Variants in MYO18B observed in about 807,000 individuals in gnomAD.
MYO18B encodes myosin XVIIIB, also known as unconventional myosin-XVIIIb.
MYO18B carries 204 observed loss-of-function variants against 273.0 expected under a neutral mutation model. The ratio of observed to expected loss-of-function variants is 0.75; its 90% CI spans 0.67 to 0.84. The LOEUF is 0.84. Among genes scored for constraint, MYO18B ranks in the 40% least tolerant of loss-of-function variants. The pLI is 0.00. For missense variants in MYO18B, 3,212 were observed against 3,287.6 expected (o/e 0.98, Z 0.56); for synonymous variants, 1,330 against 1,305.7 (o/e 1.02, Z -0.40).
chr22:25,897,922 C>A, intron 28 of MYO18B: 1 of 167,750 alleles, frequency 6.0e-6, no homozygotes, highest in Non-Finnish European at 1.3e-5. Flanking sequence ...GTCATTTTGG[C>A]TGCTCTGTGG....
At chr22:25,954,100 A>G (rs767614777) in intron 38 of MYO18B, among the ~76,000 whole-genome samples, 5 of 152,198 alleles carry the variant, frequency 3.3e-5, no homozygotes, top group Non-Finnish European at 7.3e-5. Flanking sequence ...TCTTATGTCA[A>G]CACTAGAGTA....
chr22:26,046,656 C>T, the MYO18B span, among the ~76,000 whole-genome samples: 1 of 152,194 alleles, frequency 6.6e-6, no homozygotes, highest in Non-Finnish European at 1.5e-5. Context: ...TTGCCCCTAG[C>T]TGTCTGTTCT....
At chr22:25,960,249 C>G (rs1005718846) in intron 39 of MYO18B, among the ~76,000 whole-genome samples, 1 of 152,110 alleles carries the variant, frequency 6.6e-6, no homozygotes, top group Non-Finnish European at 1.5e-5. Context: ...ATTCCAGTCC[C>G]TTTGTCATTA....
chr22:25,879,927 G>A (rs9613033), intron 25 of MYO18B, among the ~76,000 whole-genome samples: 12,014 of 152,148 alleles, frequency 0.079, 636 homozygotes, highest in Middle Eastern at 0.12. Flanking sequence ...TTGTGGGAAC[G>A]CACTCACTAT....
chr22:25,925,597 T>C (rs1349074898), intron 34 of MYO18B, among the ~76,000 whole-genome samples: 1 of 152,020 alleles, frequency 6.6e-6, no homozygotes, highest in African/African-American at 2.4e-5. Flanking sequence ...GGAAAGGCAA[T>C]GAAGCCTTCA....
At chr22:25,987,015 C>G (rs188509126) in intron 39 of MYO18B, among the ~76,000 whole-genome samples, 1 of 152,102 alleles carries the variant, frequency 6.6e-6, no homozygotes, top group East Asian at 1.9e-4. Context: ...GAATTTTCGT[C>G]AAGTTTCAAA....
intron 41 of MYO18B, among the ~76,000 whole-genome samples, chr22:26,004,105 A>G (rs1370698013): frequency 6.6e-6 from 1 of 151,418 alleles, no homozygotes; most frequent in Non-Finnish European, 1.5e-5. Context: ...ATATATACAC[A>G]TACACACATA....
intron 39 of MYO18B, among the ~76,000 whole-genome samples, chr22:25,979,541 C>T (rs543588063): frequency 6.6e-6 from 1 of 152,092 alleles, no homozygotes; most frequent in Non-Finnish European, 1.5e-5. Context: ...TTTGTGAATC[C>T]CCTGCTCAGT....
chr22:25,817,509 T>C (rs2089087858), intron 12 of MYO18B, among the ~76,000 whole-genome samples: 1 of 151,786 alleles, frequency 6.6e-6, no homozygotes, highest in Admixed American at 6.6e-5. Context: ...CTTTTGTTTG[T>C]TCTCTCAATT....
At chr22:25,762,983 G>T in intron 2 of MYO18B, 1 of 669,624 alleles carries the variant, frequency 1.5e-6, no homozygotes, top group Non-Finnish European at 2.9e-6. Flanking sequence ...AAGGAGAGTG[G>T]ATCCAGGCAG....
the MYO18B span, among the ~76,000 whole-genome samples, chr22:26,044,059 T>C: frequency 6.6e-6 from 1 of 152,222 alleles, no homozygotes; most frequent in Non-Finnish European, 1.5e-5. Flanking sequence ...TCTTTTTGTG[T>C]TTTTAATTGG....
At chr22:25,947,936 G>A in intron 36 of MYO18B, 108 bp downstream of exon 36, 1 of 770,072 alleles carries the variant, frequency 1.3e-6, no homozygotes, top group Non-Finnish European at 2.2e-6. Flanking sequence ...TAACATCTTG[G>A]AGGGATAAGT....
intron 11 of MYO18B, among the ~76,000 whole-genome samples, chr22:25,796,815 A>G (rs1392521655): frequency 6.6e-6 from 1 of 152,182 alleles, no homozygotes; most frequent in African/African-American, 2.4e-5. Context: ...GTATTTACCA[A>G]TCATGACTGG....
chr22:25,830,281 T>A (rs1477609250), intron 15 of MYO18B, among the ~76,000 whole-genome samples: 1 of 151,918 alleles, frequency 6.6e-6, no homozygotes, highest in Non-Finnish European at 1.5e-5. Context: ...TTTTTTTTTT[T>A]ACGTGGAAAA....
At chr22:25,806,794 G>A (rs1284844850) in intron 12 of MYO18B, among the ~76,000 whole-genome samples, 11 of 152,210 alleles carry the variant, frequency 7.2e-5, no homozygotes, top group African/African-American at 2.2e-4. Flanking sequence ...GAGTAGGGAG[G>A]AGGGGAGAGC....
chr22:25,914,873 A>G (rs902120475), intron 33 of MYO18B, among the ~76,000 whole-genome samples: 1 of 148,356 alleles, frequency 6.7e-6, no homozygotes, highest in Non-Finnish European at 1.5e-5. Flanking sequence ...ATTTTTTTGT[A>G]TTTTTCATAG....
chr22:25,843,922 G>A (rs1373642545), intron 18 of MYO18B, 28 bp downstream of exon 18: 1 of 1,588,860 alleles, frequency 6.3e-7, no homozygotes, highest in African/African-American at 1.3e-5. Flanking sequence ...TGGGGACGGG[G>A]ATGGAGCATT....
At chr22:25,818,220 TG>T (rs2089123728) in intron 12 of MYO18B, among the ~76,000 whole-genome samples, 1 of 152,164 alleles carries the variant, frequency 6.6e-6, no homozygotes, top group African/African-American at 2.4e-5. Context: ...GAGTTCCCTT[TG>T]AGGAATAATT....
the MYO18B span, among the ~76,000 whole-genome samples, chr22:26,054,688 G>A: frequency 6.6e-6 from 1 of 152,160 alleles, no homozygotes; most frequent in Non-Finnish European, 1.5e-5. Flanking sequence ...GAGAGGAACT[G>A]AGCCTTGATT....
Sources: gnomAD v4.1 joint callset for allele counts (sites outside exome capture counted in the v4.1 genomes callset) on GRCh38, gnomAD v4.1.1 for gene constraint, MANE v1.5 for transcripts, NCBI Gene and HGNC (gene_info 2026-07-23, HGNC 2026-07-21) for gene names.